Variants in ZNF415 observed in about 807,000 individuals in gnomAD.
ZNF415 encodes zinc finger protein 415.
In ZNF415, 5 loss-of-function variants were observed where a neutral mutation model predicts 7.3. That is an observed-to-expected ratio of 0.69 (90% CI 0.36 to 1.44). ZNF415 has a LOEUF of 1.44. Among genes scored for constraint, ZNF415 ranks in the 40% most tolerant of loss-of-function variants. ZNF415 has a pLI of 0.04. For synonymous variants in ZNF415, 207 were observed against 226.3 expected (o/e 0.91, Z 0.77); for missense variants, 628 against 664.8 (o/e 0.94, Z 0.61).
chr19:53,125,672 C>T (rs912871161), intron 1 of ZNF415, among the ~76,000 whole-genome samples: 6 of 148,926 alleles, frequency 4.0e-5, no homozygotes, highest in Admixed American at 1.3e-4. Flanking sequence ...GAGCCAGGCG[C>T]GGTGGCTCAC....
Position 53,108,209 on chromosome 19 carries a change from T to C in ZNF415, c.*168A>G, listed in dbSNP as rs2085667840. The C allele has an allele frequency of 1.5e-6, 1 of 664,958 alleles. No homozygotes were observed. 41.2% of individuals were successfully genotyped at this position (664,958 alleles called of 1,614,324 possible). The stretch of plus-strand genomic sequence containing the variant: ...GAATGCTTGAACTTGTGATGAAGGG[T>C]TTGCTGTACTCGTAAGGATTCTCTC... On this transcript the variant is annotated 3_prime_UTR_variant, in exon 4 of 4. Coordinates refer to ENST00000243643, the MANE Select transcript of ZNF415 (RefSeq NM_018355.4).
intron 3 of ZNF415, among the ~76,000 whole-genome samples, chr19:53,110,554 A>G (rs1376219968): frequency 2.0e-5 from 3 of 152,186 alleles, no homozygotes; most frequent in African/African-American, 7.2e-5. Flanking sequence ...TATTGCATGA[A>G]ACTTACTAAA....
chr19:53,114,588 A>G (rs2086722583), intron 3 of ZNF415, among the ~76,000 whole-genome samples: 1 of 152,244 alleles, frequency 6.6e-6, no homozygotes, highest in East Asian at 1.9e-4. Context: ...AAAATACAAC[A>G]TATGAGGCTA....
chr19:53,121,750 T>C (rs1443372156), intron 2 of ZNF415, among the ~76,000 whole-genome samples: 3 of 152,106 alleles, frequency 2.0e-5, no homozygotes, highest in Non-Finnish European at 4.4e-5. Flanking sequence ...GTTGACTTTA[T>C]GTTTCAAAGT....
intron 3 of ZNF415, among the ~76,000 whole-genome samples, chr19:53,110,716 A>T (rs2086099746): frequency 6.6e-6 from 1 of 152,214 alleles, no homozygotes; most frequent in African/African-American, 2.4e-5. Flanking sequence ...CTATTTCAGA[A>T]CCAGCACACA....
intron 1 of ZNF415, among the ~76,000 whole-genome samples, chr19:53,125,696 G>A (rs1476615392): frequency 6.6e-6 from 1 of 151,762 alleles, no homozygotes; most frequent in South Asian, 2.1e-4. Context: ...TGTAATCCCA[G>A]CACTTTGGGA....
intron 2 of ZNF415, among the ~76,000 whole-genome samples, chr19:53,121,650 T>G (rs1003306340): frequency 4.6e-5 from 7 of 151,872 alleles, no homozygotes; most frequent in Middle Eastern, 3.2e-3. Flanking sequence ...CTCAAACTCC[T>G]GACCTACAAT....
intron 1 of ZNF415, among the ~76,000 whole-genome samples, chr19:53,124,820 C>T (rs2146555566): frequency 6.6e-6 from 1 of 152,222 alleles, no homozygotes; most frequent in Non-Finnish European, 1.5e-5. Context: ...GAAAGAAAAT[C>T]TCCAGAGACA....
intron 3 of ZNF415, among the ~76,000 whole-genome samples, chr19:53,115,020 T>C (rs1229465604): frequency 6.6e-6 from 1 of 152,026 alleles, no homozygotes; most frequent in Non-Finnish European, 1.5e-5. Flanking sequence ...GAGAGCGAAC[T>C]GAGCATCAGG....
chr19:53,130,165 C>T (rs929262985), intron 1 of ZNF415, among the ~76,000 whole-genome samples: 2 of 151,932 alleles, frequency 1.3e-5, no homozygotes, highest in Non-Finnish European at 2.9e-5. Flanking sequence ...ACATTGGTTC[C>T]AAATGCAGCT....
intron 1 of ZNF415, among the ~76,000 whole-genome samples, chr19:53,129,244 A>G (rs1335307162): frequency 6.6e-6 from 1 of 152,090 alleles, no homozygotes; most frequent in Non-Finnish European, 1.5e-5. Context: ...TCCCAGGAGG[A>G]GGCTGGACAC....
intron 1 of ZNF415, chr19:53,124,404 G>T (rs925480962): frequency 6.6e-6 from 1 of 152,100 alleles, no homozygotes; most frequent in Non-Finnish European, 1.5e-5. Context: ...GAGAGAGAGA[G>T]AGAGAGAGAG....
chr19:53,129,316 G>T (rs1287380784), intron 1 of ZNF415, among the ~76,000 whole-genome samples: 1 of 152,152 alleles, frequency 6.6e-6, no homozygotes, highest in Non-Finnish European at 1.5e-5. Context: ...TTTGTCCTGG[G>T]GAACACAGGA....
Position 53,108,813 on chromosome 19 carries a change from G to A in ZNF415, c.1232C>T (p.Pro411Leu), listed in dbSNP as rs774902622. 9.9e-6 allele frequency: 16 copies of A among 1,613,918 alleles called. No individual in the cohort carries two copies. In the East Asian group the frequency reaches 1.6e-4, roughly 16 times the overall value. ...CTTACCACATTCATTGCATTTGTAA[G>A]GTTTCTCTCCAGTATGAATTCTCCA... ...RHWRIHTGEK[P>L]YKCNECGKVF... The change falls in exon 4 of 4, where the codon CCT becomes CTT. Residue 411 changes from proline (P) to leucine (L), a missense_variant. Coordinates refer to ENST00000243643, the MANE Select transcript of ZNF415 (RefSeq NM_018355.4).
intron 3 of ZNF415, chr19:53,115,853 C>T (rs1337264335): frequency 1.4e-6 from 2 of 1,459,330 alleles, no homozygotes; most frequent in African/African-American, 1.4e-5. Context: ...ATGAATGGAA[C>T]ATGATGTGCT....
chr19:53,109,237 T>A lies in ZNF415; in HGVS notation c.808A>T (p.Lys270Ter). 1.2e-6 allele frequency: 2 copies of A among 1,614,206 alleles called. No individual in the cohort carries two copies. Among genetic ancestry groups the A allele is most frequent in the Non-Finnish European group, 1.7e-6 (2 of 1,180,044 alleles). ...ARHWRVHTGEKPYKCNECDRS... is the reference protein window; with the variant it reads ...ARHWRVHTGE ...TCACATTCATTACATTTGTATGGTT[T>A]CTCTCCAGTATGAACTCTCCAATGA... Residue 270 changes from lysine to a stop codon, truncating the protein, a stop_gained, in exon 4 of 4, where the codon AAA becomes TAA. Coordinates refer to ENST00000243643, the MANE Select transcript of ZNF415 (RefSeq NM_018355.4). LOFTEE classifies it low-confidence loss of function (END_TRUNC).
intron 3 of ZNF415, chr19:53,115,309 T>C (rs920890528): frequency 3.7e-5 from 7 of 190,110 alleles, no homozygotes; most frequent in Middle Eastern, 1.0e-3. Flanking sequence ...CACTCCAGCC[T>C]GGGCAATAAG....
At chr19:53,112,695 A>G (rs1482212356) in intron 3 of ZNF415, among the ~76,000 whole-genome samples, 1 of 152,200 alleles carries the variant, frequency 6.6e-6, no homozygotes, top group Non-Finnish European at 1.5e-5. Flanking sequence ...AGGATAGGAG[A>G]GAGGAAGGGC....
chr19:53,115,407 C>G, intron 3 of ZNF415: 1 of 403,468 alleles, frequency 2.5e-6, no homozygotes, highest in South Asian at 3.1e-5. Context: ...GATGTGGCCC[C>G]TCCCGGACCC....
Sources: gnomAD v4.1 joint callset for allele counts (sites outside exome capture counted in the v4.1 genomes callset) on GRCh38, gnomAD v4.1.1 for gene constraint, MANE v1.5 for transcripts, NCBI Gene and HGNC (gene_info 2026-07-23, HGNC 2026-07-21) for gene names.